CPZ: variants seen among roughly 807,000 people sequenced by gnomAD.
CPZ encodes the protein VEZT/CPZ fusion.
In CPZ, 103 loss-of-function variants were observed where a neutral mutation model predicts 61.8. That is an observed-to-expected ratio of 1.67 (90% confidence interval 1.42 to 1.96). CPZ has a LOEUF of 1.96. Among genes scored for constraint, CPZ ranks in the 30% most tolerant of loss-of-function variants. CPZ has a pLI of 0.00. For synonymous variants in CPZ, 551 were observed against 373.7 expected (o/e 1.47, Z -5.47); for missense variants, 1,461 against 914.9 (o/e 1.60, Z -7.70).
At chr4:8,618,261 T>C in intron 9 of CPZ, 168 bp from the exon 10 acceptor site, 1 of 617,966 alleles carries the variant, frequency 1.6e-6, no homozygotes, top group South Asian at 1.9e-5. Context: ...GAGAGGGGAG[T>C]GACTGACTCG....
At position 8,607,533 on chromosome 4, in the gene CPZ, C is replaced by G. The variant is rs150584868; in HGVS notation, c.1227+108C>G. The stretch of plus-strand genomic sequence containing the variant: ...TCAGTGAAGGCAAAGCTCCTAGGAA[C>G]CTCTACTCAGAGCGGGTCAGCACCA... On this transcript the variant is annotated intron_variant, in intron 7 of 10. Coordinates refer to ENST00000360986, the MANE Select transcript of CPZ (RefSeq NM_001014447.3). The G allele has an allele frequency of 5.2e-6, 7 of 1,334,418 alleles. No individual in the cohort carries two copies. In the African/African-American group the frequency reaches 1.0e-4, roughly 19 times the overall value. The allele number at this position is 1,334,418 out of a possible 1,614,324, so 82.7% of individuals were successfully genotyped here.
rs796623216 is a variant in CPZ, at chr4:8,609,056, C to T, written c.1227+1631C>T. On this transcript the variant is annotated intron_variant, in intron 7 of 10. Transcript: ENST00000360986. ...ACTCACCCATTCACTCCCTCCCTCC[C>T]TCACTCCCTCACTCACCACTCATAC... Among the ~76,000 whole-genome samples the T allele has an allele frequency of 4.7e-5, 4 of 84,660 alleles. No homozygotes were observed. The South Asian group carries it at 1.7e-3, about 35-fold the overall frequency. The allele number at this position is 84,660 out of a possible 152,430, so 55.5% of individuals were successfully genotyped here.
chr4:8,607,382 A>AC lies in CPZ; in HGVS notation c.1189dup (p.Gln397ProfsTer24), dbSNP rs1313084590. On this transcript the variant is annotated frameshift_variant, in exon 7 of 11. Transcript: ENST00000360986. LOFTEE classifies it high-confidence loss of function. The stretch of plus-strand genomic sequence containing the variant: ...TCCTACCCCTTCGACTTCTCCAAGC[A>AC]CCCCCAGGAGGAGAAGATGTTTTCT... 4.3e-6 allele frequency: 7 copies of AC among 1,613,752 alleles called. No homozygotes were observed. Among genetic ancestry groups the AC allele is most frequent in the Non-Finnish European group, 5.9e-6 (7 of 1,179,946 alleles).
intron 4 of CPZ, 110 bp from the exon 5 acceptor site, chr4:8,605,879 T>C (rs1381077129): frequency 5.7e-6 from 6 of 1,060,866 alleles, no homozygotes; most frequent in East Asian, 2.5e-5. Context: ...TCAAAACAAG[T>C]ATGAATTGGT....
chr4:8,608,639 C>T (rs2109330246), intron 7 of CPZ, among the ~76,000 whole-genome samples: 1 of 148,170 alleles, frequency 6.7e-6, no homozygotes, highest in East Asian at 2.0e-4. Flanking sequence ...GCTGTGAGTG[C>T]ACGTGTGTGC....
rs1321122797 is a variant in CPZ at position 8,607,250 on chromosome 4, T to G, written c.1069-17T>G. On this transcript the variant is annotated splice_polypyrimidine_tract_variant and intron_variant, in intron 6 of 10. Coordinates refer to ENST00000360986, the MANE Select transcript of CPZ (RefSeq NM_001014447.3). ...GGAAAGCCCAGCCCTGAGGGCGGCCTCGTCTGTCCTGGGCAGGTGGCCCCG... is the reference window on the plus strand; with the variant it reads ...GGAAAGCCCAGCCCTGAGGGCGGCCGCGTCTGTCCTGGGCAGGTGGCCCCG... 1.2e-6 allele frequency: 2 copies of G among 1,611,996 alleles called. No individual in the cohort carries two copies. The highest frequency in any genetic ancestry group is 3.3e-5 in the Admixed American group (2 of 59,922).
rs1441360986 is a variant in CPZ, at chr4:8,619,571, T to G, written c.1913T>G (p.Phe638Cys). The change falls in exon 11 of 11, where the codon TTC becomes TGC. Residue 638 changes from phenylalanine to cysteine, a missense_variant. Coordinates refer to ENST00000360986, the MANE Select transcript of CPZ (RefSeq NM_001014447.3). ...DGSKPWWWSY[F>C]TSLSTHRPRW... Reference sequence around the variant, plus strand: ...AGTAAGCCCTGGTGGTGGTCCTACTTCACATCGCTGAGCACCCACAGGCCA... The same window carrying G: ...AGTAAGCCCTGGTGGTGGTCCTACTGCACATCGCTGAGCACCCACAGGCCA... 1 of 1,534,426 alleles carries G rather than the reference T, an allele frequency of 6.5e-7. No individual in the cohort carries two copies. Among genetic ancestry groups the G allele is most frequent in the South Asian group, 1.3e-5 (1 of 77,754 alleles).
At chr4:8,616,221 G>A (rs529726169) in intron 9 of CPZ, among the ~76,000 whole-genome samples, 1 of 152,302 alleles carries the variant, frequency 6.6e-6, no homozygotes, top group East Asian at 1.9e-4. Context: ...GTGGCCAATT[G>A]AGGCTTTTTT....
At chr4:8,605,050 G>A (rs1410859317) in intron 4 of CPZ, among the ~76,000 whole-genome samples, 2 of 152,224 alleles carry the variant, frequency 1.3e-5, no homozygotes, top group Non-Finnish European at 2.9e-5. Flanking sequence ...GGAATTTGAG[G>A]GCAAGAGGTG....
chr4:8,618,202 A>C, intron 9 of CPZ: 1 of 559,400 alleles, frequency 1.8e-6, no homozygotes, highest in Non-Finnish European at 3.2e-6. Context: ...GGTCATTCAA[A>C]AGCCCAGAAC....
intron 10 of CPZ, 31 bp from the exon 11 acceptor site, chr4:8,619,231 T>C (rs899938539): frequency 5.4e-5 from 85 of 1,564,714 alleles, no homozygotes; most frequent in Admixed American, 1.5e-4. Flanking sequence ...GCAGTCCTCG[T>C]GAGAATCATT....
At chr4:8,608,650 G>A (rs763095559) in intron 7 of CPZ, among the ~76,000 whole-genome samples, 17 of 152,274 alleles carry the variant, frequency 1.1e-4, no homozygotes, top group South Asian at 6.2e-4. Context: ...ACGTGTGTGC[G>A]TGTGCATGCA....
In CPZ at chr4:8,599,660, A is replaced by G. The variant is rs1316060560; in HGVS notation, c.121+175A>G. On this transcript the variant is annotated intron_variant, in intron 2 of 10. Coordinates refer to ENST00000360986, the MANE Select transcript of CPZ (RefSeq NM_001014447.3). ...AGCCAGAGAAAAATTAGACATAACA[A>G]AAAAAGACCAGCTAGGAAAAGGTGC... 3.5e-6 allele frequency: 5 copies of G among 1,432,850 alleles called. No individual in the cohort carries two copies. In the Admixed American group the frequency reaches 1.0e-4, roughly 30 times the overall value. The allele number at this position is 1,432,850 out of a possible 1,614,324, so 88.8% of individuals were successfully genotyped here.
rs1714967333 is a variant in CPZ, at chr4:8,606,055, T to C, written c.776T>C (p.Ile259Thr). ...GAGGTGGCGGGCCGGGAGATGCTCA[T>C]CTACCTAGCCCAGTACCTGTGCTCT... The part of the protein sequence containing the change: ...GNEVAGREML[I>T]YLAQYLCSEY... The change falls in exon 5 of 11, where the codon ATC becomes ACC. Residue 259 changes from isoleucine to threonine, a missense_variant. By Grantham distance (89) the Ile-to-Thr change is moderately conservative. Transcript: ENST00000360986. 6.2e-7 allele frequency: 1 copy of C among 1,614,136 alleles called. No individual in the cohort carries two copies. The highest frequency in any genetic ancestry group is 8.5e-7 in the Non-Finnish European group (1 of 1,180,002).
chr4:8,609,585 T>TGGGCA (rs1715476436), intron 7 of CPZ, among the ~76,000 whole-genome samples: 3 of 147,460 alleles, frequency 2.0e-5, no homozygotes, highest in Non-Finnish European at 4.4e-5. Flanking sequence ...GGGCCATGGC[T>TGGGCA]GGGCAGGGCA....
intron 7 of CPZ, among the ~76,000 whole-genome samples, chr4:8,611,700 T>C (rs760070474): frequency 1.3e-5 from 2 of 152,096 alleles, no homozygotes; most frequent in Non-Finnish European, 2.9e-5. Context: ...GCACACACCC[T>C]GTGGACACCA....
Position 8,606,184 on chromosome 4 carries a change from A to C in CPZ, c.905A>C (p.Glu302Ala). 1 of 1,612,870 alleles carries C rather than the reference A, an allele frequency of 6.2e-7. No homozygotes were observed. ...GACGGCTATGAGGTGGCAGCTGCCG[A>C]GGTGAGCGCCCAGATGCCTGGATCC... is the stretch of plus-strand genomic sequence containing the variant. ...NPDGYEVAAA[E>A]GAGYNGWTSG... Residue 302 changes from glutamate to alanine, a missense_variant and splice_region_variant, in exon 5 of 11, where the codon GAG (glutamate) becomes GCG (alanine). Glu to Ala is a moderately radical substitution (Grantham distance 107). Coordinates refer to ENST00000360986, the MANE Select transcript of CPZ (RefSeq NM_001014447.3).
In CPZ at chr4:8,619,556, G is replaced by A; in HGVS notation, c.1898G>A (p.Trp633Ter). 1.3e-6 allele frequency: 2 copies of A among 1,551,902 alleles called. No homozygotes were observed. The highest frequency in any genetic ancestry group is 1.2e-5 in the South Asian group (1 of 80,488). The change falls in exon 11 of 11, where the codon TGG (tryptophan) becomes TAG (stop). Residue 633 changes from tryptophan (W) to a stop codon, truncating the protein, a stop_gained. Coordinates refer to ENST00000360986, the MANE Select transcript of CPZ (RefSeq NM_001014447.3). LOFTEE classifies it high-confidence loss of function. ...CCCTCGGCCGACGGGAGTAAGCCCT[G>A]GTGGTGGTCCTACTTCACATCGCTG... is the stretch of plus-strand genomic sequence containing the variant. ...RQPSADGSKP[W>*]WWSYFTSLST... is the part of the protein sequence containing the mutation.
intron 1 of CPZ, among the ~76,000 whole-genome samples, chr4:8,594,993 T>C (rs7441853): frequency 0.98 from 149,757 of 152,288 alleles, 73,680 homozygotes; most frequent in East Asian, 1. Context: ...AGGATGGTCT[T>C]GATCTCCTGA....
Sources: allele counts gnomAD v4.1 joint callset (sites outside exome capture counted in the v4.1 genomes callset), GRCh38; gene constraint gnomAD v4.1.1; transcripts MANE v1.5; gene names NCBI Gene and HGNC (gene_info 2026-07-23, HGNC 2026-07-21).